POR: variants seen among roughly 807,000 people sequenced by gnomAD.
POR encodes NADPH--cytochrome P450 reductase.
POR carries 56 observed loss-of-function variants against 84.0 expected under a neutral mutation model. The ratio of observed to expected loss-of-function variants is 0.67; its 90% CI spans 0.54 to 0.83. POR has a LOEUF of 0.83. POR is among the 40% of genes least tolerant of loss of function. The pLI, the probability that POR is intolerant of heterozygous loss-of-function variation, is 0.00. For missense variants in POR, 938 were observed against 944.3 expected (o/e 0.99, Z 0.09); for synonymous variants, 414 against 400.5 (o/e 1.03, Z -0.40).
chr7:75,983,346 A>C (rs1440008097), intron 8 of POR, 174 bp from the exon 9 acceptor site: 4 of 570,590 alleles, frequency 7.0e-6, no homozygotes, highest in Non-Finnish European at 1.2e-5. Context: ...GTCTCAAAAA[A>C]AAAAAAGAGA....
chr7:75,950,477 C>T (rs1314381010), intron 1 of POR, among the ~76,000 whole-genome samples: 1 of 152,150 alleles, frequency 6.6e-6, no homozygotes, highest in Non-Finnish European at 1.5e-5. Context: ...TGATGGATAA[C>T]AGCTAGACAG....
At chr7:75,938,632 G>A (rs946570322) in intron 1 of POR, among the ~76,000 whole-genome samples, 1 of 152,154 alleles carries the variant, frequency 6.6e-6, no homozygotes, top group South Asian at 2.1e-4. Context: ...GGTGGTGCAT[G>A]CCTATGGTCT....
At chr7:75,986,281 C>T (rs1789455143) in intron 15 of POR, 40 bp downstream of exon 15, 4 of 1,612,500 alleles carry the variant, frequency 2.5e-6, no homozygotes, top group South Asian at 2.2e-5. Context: ...GCAGGGAGGA[C>T]AAGGCCCTGC....
At position 75,927,391 on chromosome 7, in the gene POR, G is replaced by A. The variant is rs1048421588; in HGVS notation, c.-5+12212G>A. On this transcript the variant is annotated intron_variant, in intron 1 of 15. Transcript: ENST00000461988. ...GGTGGGTGCCTGTAGTCCCAGCAAC[G>A]CAGGAGGCTGGGCTGTCATCACGCC... Among the ~76,000 whole-genome samples the A allele has an allele frequency of 1.7e-4, 26 of 151,864 alleles. No individual in the cohort carries two copies. The East Asian group carries it at 4.7e-3, about 27-fold the overall frequency.
chr7:75,981,075 G>T lies in POR; in HGVS notation c.544G>T (p.Glu182Ter). The T allele has an allele frequency of 6.3e-7, 1 of 1,575,966 alleles. No homozygotes were observed. Among genetic ancestry groups the T allele is most frequent in the Non-Finnish European group, 8.6e-7 (1 of 1,161,240 alleles). Residue 182 changes from glutamate to a stop codon, truncating the protein, a stop_gained, in exon 6 of 16, where the codon GAG becomes TAG. Coordinates refer to ENST00000461988, the MANE Select transcript of POR (RefSeq NM_000941.3). LOFTEE classifies it high-confidence loss of function. ...GTTTGGTCTTGGGAACAAGACCTAC[G>T]AGCACTTCAATGCCATGGGCAAGTA...
chr7:75,972,747 G>C, intron 3 of POR: 1 of 508,354 alleles, frequency 2.0e-6, no homozygotes, highest in East Asian at 3.6e-5. Context: ...TCTGGCCCTG[G>C]CCTGTCCAGG....
intron 1 of POR, among the ~76,000 whole-genome samples, chr7:75,948,344 GT>G (rs1787268773): frequency 6.6e-6 from 1 of 152,340 alleles, no homozygotes; most frequent in African/African-American, 2.4e-5. Flanking sequence ...AGTGCCCAGT[GT>G]GCTGGTCGGG....
intron 12 of POR, 56 bp from the exon 13 acceptor site, chr7:75,985,523 C>T (rs919555279): frequency 1.6e-5 from 24 of 1,460,354 alleles, no homozygotes; most frequent in South Asian, 2.9e-5. Context: ...GACTTGGGGC[C>T]GGGGCTGGGC....
At chr7:75,975,142 T>A (rs994757564) in intron 3 of POR, among the ~76,000 whole-genome samples, 1 of 148,480 alleles carries the variant, frequency 6.7e-6, no homozygotes, top group Admixed American at 6.9e-5. Context: ...GCTAAAGAGA[T>A]AAAGATATTC....
At chr7:75,943,177 T>G (rs1004117999) in intron 1 of POR, among the ~76,000 whole-genome samples, 39 of 152,306 alleles carry the variant, frequency 2.6e-4, no homozygotes, top group Admixed American at 2.3e-3. Context: ...GGTCTCGATC[T>G]CCTCACCTTG....
At chr7:75,920,308 G>A (rs1158924783) in intron 1 of POR, among the ~76,000 whole-genome samples, 1 of 151,862 alleles carries the variant, frequency 6.6e-6, no homozygotes, top group African/African-American at 2.4e-5. Context: ...GACCTCAAGT[G>A]ATCCACCCGC....
At chr7:75,981,306 C>G (rs1436611121) in intron 6 of POR, 134 bp downstream of exon 6, 1 of 1,350,514 alleles carries the variant, frequency 7.4e-7, no homozygotes, top group African/African-American at 1.5e-5. Flanking sequence ...AAGGGGCTCT[C>G]CTGCCTCTGC....
At chr7:75,961,596 A>G (rs1263103964) in intron 2 of POR, among the ~76,000 whole-genome samples, 1 of 152,078 alleles carries the variant, frequency 6.6e-6, no homozygotes, top group African/African-American at 2.4e-5. Context: ...CCCAGTTTTC[A>G]TAACTACTCA....
In POR at chr7:75,925,870, G is replaced by A. The variant is rs558244776; in HGVS notation, c.-5+10691G>A. On this transcript the variant is annotated intron_variant, in intron 1 of 15. Coordinates refer to ENST00000461988, the MANE Select transcript of POR (RefSeq NM_000941.3). ...GTGTGAGCAAGAGAATGGAATCAGA[G>A]CGATTATTTTAGCAGGCAGGAGTGA... Among the ~76,000 whole-genome samples the A allele has an allele frequency of 2.0e-5, 3 of 152,196 alleles. No individual in the cohort carries two copies. In the East Asian group the frequency reaches 5.8e-4, roughly 29 times the overall value.
In POR at chr7:75,954,070, C is replaced by A; in HGVS notation, c.78C>A (p.Phe26Leu). Reference sequence around the variant, plus strand: ...CGGTGGCCGAAGAAGTATCTCTTTTCAGCATGACGGACATGATTCTGTTTT... The same window carrying A: ...CGGTGGCCGAAGAAGTATCTCTTTTAAGCATGACGGACATGATTCTGTTTT... Residue 26 changes from phenylalanine (F) to leucine (L), a missense_variant, in exon 2 of 16, where the codon TTC (phenylalanine) becomes TTA (leucine). Transcript: ENST00000461988. The A allele has an allele frequency of 6.2e-7, 1 of 1,612,650 alleles. No individual in the cohort carries two copies. The highest frequency in any genetic ancestry group is 1.6e-4 in the Middle Eastern group (1 of 6,062).
intron 1 of POR, chr7:75,923,404 T>TG: frequency 1.4e-6 from 1 of 695,384 alleles, no homozygotes; most frequent in Non-Finnish European, 2.6e-6. Context: ...TCCATCTTCT[T>TG]GGGGGTGTGT....
rs782160753 is a variant in POR, at chr7:75,983,763, G to C, written c.973G>C (p.Val325Leu). ...GTATGAATCTGGGGACCACGTGGCT[G>C]TGTACCCAGCCAACGACTCTGCTCT... is the stretch of plus-strand genomic sequence containing the variant. Residue 325 changes from valine (V) to leucine (L), a missense_variant, in exon 10 of 16, where the codon GTG (valine) becomes CTG (leucine). By Grantham distance (32) the Val-to-Leu change is conservative. Transcript: ENST00000461988. 1 of 1,612,460 alleles carries C rather than the reference G, an allele frequency of 6.2e-7. No individual in the cohort carries two copies. Among genetic ancestry groups the C allele is most frequent in the Non-Finnish European group, 8.5e-7 (1 of 1,179,720 alleles).
intron 1 of POR, among the ~76,000 whole-genome samples, chr7:75,936,579 G>T (rs1807697701): frequency 6.6e-6 from 1 of 152,046 alleles, no homozygotes; most frequent in African/African-American, 2.4e-5. Flanking sequence ...TCTCATTTCG[G>T]TAAAGGAGGA....
chr7:75,945,158 G>A (rs1787120474), intron 1 of POR, among the ~76,000 whole-genome samples: 1 of 151,998 alleles, frequency 6.6e-6, no homozygotes, highest in Non-Finnish European at 1.5e-5. Context: ...AGGCACACCT[G>A]TAGTCCCACC....
Sources: allele counts gnomAD v4.1 joint callset (sites outside exome capture counted in the v4.1 genomes callset), GRCh38; gene constraint gnomAD v4.1.1; transcripts MANE v1.5; gene names NCBI Gene and HGNC (gene_info 2026-07-23, HGNC 2026-07-21).